TRPS1: variants seen among roughly 807,000 people sequenced by gnomAD.
The protein encoded by TRPS1 is transcriptional repressor GATA binding 1.
Under a neutral mutation model 101.2 loss-of-function variants are expected in TRPS1, and 6 were observed. That is an observed-to-expected ratio of 0.06 (90% CI 0.03 to 0.12). The LOEUF (loss-of-function observed/expected upper bound fraction) is 0.12. Ranked by LOEUF, TRPS1 falls within the 10% of genes least tolerant of loss-of-function variation. The probability of loss-of-function intolerance (pLI) is 1.00; values close to 1 mark genes in which losing one functional copy is unlikely to be tolerated. For missense variants in TRPS1, 1,363 were observed against 1,567.0 expected, an observed-to-expected ratio of 0.87 and a Z score of 2.20; for synonymous variants, 578 against 589.8, an observed-to-expected ratio of 0.98 and a Z score of 0.29.
intron 5 of TRPS1, among the ~76,000 whole-genome samples, chr8:115,445,098 CCAGT>C (rs1271729522): frequency 1.3e-5 from 2 of 152,150 alleles, no homozygotes; most frequent in East Asian, 3.8e-4. Flanking sequence ...CTGAACCCTC[CCAGT>C]CAAACTAGTT....
intron 5 of TRPS1, among the ~76,000 whole-genome samples, chr8:115,463,746 T>C (rs1456025946): frequency 6.6e-6 from 1 of 152,102 alleles, no homozygotes; most frequent in African/African-American, 2.4e-5. Context: ...TAAATTAATA[T>C]TTTGAAAGAG....
intron 5 of TRPS1, among the ~76,000 whole-genome samples, chr8:115,429,201 G>A (rs180860844): frequency 4.3e-4 from 66 of 152,204 alleles, no homozygotes; most frequent in Admixed American, 2.6e-3. Flanking sequence ...TCCCTGCCCC[G>A]TCAAATAGCT....
At chr8:115,655,939 A>G (rs1345934961) in intron 1 of TRPS1, among the ~76,000 whole-genome samples, 4 of 152,146 alleles carry the variant, frequency 2.6e-5, no homozygotes, top group Non-Finnish European at 4.4e-5. Flanking sequence ...TGTTTGCCTG[A>G]CATCACAGGA....
intron 5 of TRPS1, among the ~76,000 whole-genome samples, chr8:115,425,198 T>C (rs1813158276): frequency 6.6e-6 from 1 of 152,184 alleles, no homozygotes; most frequent in South Asian, 2.1e-4. Flanking sequence ...CCAACTTTTG[T>C]TTCAAATAAA....
At chr8:115,508,011 T>C (rs1815489833) in intron 5 of TRPS1, among the ~76,000 whole-genome samples, 1 of 152,056 alleles carries the variant, frequency 6.6e-6, no homozygotes, top group African/African-American at 2.4e-5. Flanking sequence ...AACTTGCCTG[T>C]CTAAAATAAA....
rs143678356 is a variant in TRPS1, at chr8:115,427,911, A to C, written c.2701-9459T>G. On this transcript the variant is annotated intron_variant, in intron 5 of 6. Transcript: ENST00000395715. ...TCCTGCTGTGTCAAAAAAAATAAAA[A>C]AAGTATGTGAAACAGGCCGCTGCTT... is the stretch of plus-strand genomic sequence containing the variant. Among the ~76,000 whole-genome samples the C allele has an allele frequency of 1.2e-3, 185 of 152,216 alleles. 6 individuals carry two copies. The East Asian group carries it at 0.032, about 26-fold the overall frequency.
At chr8:115,518,817 A>C (rs191632411) in intron 5 of TRPS1, among the ~76,000 whole-genome samples, 2 of 152,012 alleles carry the variant, frequency 1.3e-5, no homozygotes, top group East Asian at 3.9e-4. Context: ...AAACTAAACC[A>C]TCAGAAATTT....
At chr8:115,594,563 C>T (rs1817745574) in intron 4 of TRPS1, among the ~76,000 whole-genome samples, 1 of 151,864 alleles carries the variant, frequency 6.6e-6, no homozygotes, top group Admixed American at 6.6e-5. Context: ...CATCAAATTG[C>T]CTAAAAAGAT....
At chr8:115,553,916 A>T (rs372874620) in intron 5 of TRPS1, among the ~76,000 whole-genome samples, 1 of 152,162 alleles carries the variant, frequency 6.6e-6, no homozygotes, top group Non-Finnish European at 1.5e-5. Context: ...ACTTCAATGA[A>T]TTTATTATCA....
At chr8:115,441,188 T>C (rs550697648) in intron 5 of TRPS1, among the ~76,000 whole-genome samples, 1 of 152,358 alleles carries the variant, frequency 6.6e-6, no homozygotes, top group East Asian at 1.9e-4. Context: ...CACCGAAAGG[T>C]TCAGAGGCTG....
chr8:115,467,556 TC>T (rs976579409), intron 5 of TRPS1, among the ~76,000 whole-genome samples: 15 of 152,170 alleles, frequency 9.9e-5, no homozygotes, highest in Admixed American at 5.9e-4. Context: ...GATATGAGTG[TC>T]CAGGAGCCAG....
intron 5 of TRPS1, among the ~76,000 whole-genome samples, chr8:115,533,031 G>C (rs1816173098): frequency 6.6e-6 from 1 of 152,184 alleles, no homozygotes; most frequent in Non-Finnish European, 1.5e-5. Flanking sequence ...AACCAAAGGA[G>C]TGAAACAGAA....
intron 1 of TRPS1, among the ~76,000 whole-genome samples, chr8:115,639,313 G>A (rs1273668475): frequency 6.6e-6 from 1 of 152,098 alleles, no homozygotes. Context: ...AAGCCATCCT[G>A]CCACCTTGGC....
intron 5 of TRPS1, among the ~76,000 whole-genome samples, chr8:115,488,514 C>A (rs1814942407): frequency 1.3e-5 from 2 of 151,614 alleles, no homozygotes; most frequent in African/African-American, 2.4e-5. Flanking sequence ...CATGGTGAAA[C>A]CCCCCAAAAA....
intron 5 of TRPS1, among the ~76,000 whole-genome samples, chr8:115,583,260 A>C (rs1419348774): frequency 1.0e-5 from 1 of 98,248 alleles, no homozygotes; most frequent in East Asian, 3.5e-4. Context: ...CTTTGTGTAG[A>C]TGTACATCAT....
chr8:115,574,755 A>ATAT, intron 5 of TRPS1, among the ~76,000 whole-genome samples: 1 of 113,028 alleles, frequency 8.8e-6, no homozygotes, highest in Admixed American at 8.7e-5. Flanking sequence ...TATATATATA[A>ATAT]CTTTATAAGT....
intron 5 of TRPS1, among the ~76,000 whole-genome samples, chr8:115,435,986 A>G (rs549772682): frequency 6.9e-6 from 1 of 144,598 alleles, no homozygotes; most frequent in East Asian, 2.1e-4. Flanking sequence ...AAATGCTACA[A>G]CAAATGAGAA....
At chr8:115,583,506 T>A (rs1817497493) in intron 5 of TRPS1, among the ~76,000 whole-genome samples, 1 of 152,118 alleles carries the variant, frequency 6.6e-6, no homozygotes, top group South Asian at 2.1e-4. Flanking sequence ...AGGAGGTGAT[T>A]CATGTTCTAT....
At chr8:115,546,623 G>T (rs1816580469) in intron 5 of TRPS1, among the ~76,000 whole-genome samples, 1 of 149,630 alleles carries the variant, frequency 6.7e-6, no homozygotes, top group African/African-American at 2.5e-5. Context: ...GAGCCACGGA[G>T]GTTTTAGTGT....
Sources: allele counts gnomAD v4.1 joint callset (sites outside exome capture counted in the v4.1 genomes callset), GRCh38; gene constraint gnomAD v4.1.1; transcripts MANE v1.5; gene names NCBI Gene and HGNC (gene_info 2026-07-23, HGNC 2026-07-21).